The following ANKIB1 variants were observed in gnomAD, a reference collection of about 807,000 sequenced individuals.
ANKIB1 encodes the protein ankyrin repeat and IBR domain-containing protein 1.
ANKIB1 carries 43 observed loss-of-function variants against 122.1 expected under a neutral mutation model. The ratio of observed to expected loss-of-function variants is 0.35; its 90% CI spans 0.28 to 0.45. ANKIB1 has a LOEUF of 0.45. Among genes scored for constraint, ANKIB1 ranks in the 20% least tolerant of loss-of-function variants. The pLI, the probability that ANKIB1 is intolerant of heterozygous loss-of-function variation, is 1.00. For synonymous variants in ANKIB1, 390 were observed against 442.0 expected, an observed-to-expected ratio of 0.88 and a Z score of 1.48; for missense variants, 992 against 1,329.5, an observed-to-expected ratio of 0.75 and a Z score of 3.95.
At chr7:92,365,585 G>A (rs1346032768) in intron 10 of ANKIB1, among the ~76,000 whole-genome samples, 1 of 152,008 alleles carries the variant, frequency 6.6e-6, no homozygotes, top group East Asian at 1.9e-4. Flanking sequence ...TTAAGTAGGA[G>A]AGTGATGAAT....
At chr7:92,276,929 T>C (rs1317159849) in intron 1 of ANKIB1, among the ~76,000 whole-genome samples, 2 of 152,212 alleles carry the variant, frequency 1.3e-5, no homozygotes, top group East Asian at 3.8e-4. Context: ...GGAAGGTGAT[T>C]GGATCATGGG....
intron 3 of ANKIB1, among the ~76,000 whole-genome samples, chr7:92,308,966 G>A (rs138054046): frequency 8.5e-5 from 13 of 152,212 alleles, no homozygotes; most frequent in African/African-American, 3.1e-4. Flanking sequence ...TGTTGTTCAT[G>A]TATACTTTAG....
chr7:92,294,753 T>C, intron 1 of ANKIB1, 136 bp from the exon 2 acceptor site: 2 of 434,610 alleles, frequency 4.6e-6, no homozygotes, highest in Non-Finnish European at 8.0e-6. Context: ...GCTGTTAAGA[T>C]AAATTTGGTA....
At chr7:92,344,193 GTTTTTTTTTTTT>G (rs67933063) in intron 6 of ANKIB1, among the ~76,000 whole-genome samples, 38,692 of 98,326 alleles carry the variant, frequency 0.39, 6,173 homozygotes, top group Middle Eastern at 0.47. Context: ...TGTGTTTTTG[GTTTTTTTTTTTT>G]TTTTTTTTTT....
intron 5 of ANKIB1, among the ~76,000 whole-genome samples, chr7:92,329,597 C>T (rs1803116867): frequency 6.6e-6 from 1 of 152,122 alleles, no homozygotes; most frequent in Non-Finnish European, 1.5e-5. Flanking sequence ...TTCTAAAAGC[C>T]TATTATTTCT....
At chr7:92,371,143 A>G (rs535991780) in intron 10 of ANKIB1, among the ~76,000 whole-genome samples, 2 of 151,938 alleles carry the variant, frequency 1.3e-5, no homozygotes, top group East Asian at 3.9e-4. Context: ...TTTCTGTGAT[A>G]CAATAGTTAT....
intron 7 of ANKIB1, 50 bp from the exon 8 acceptor site, chr7:92,350,900 C>T (rs369558845): frequency 1.3e-6 from 2 of 1,510,988 alleles, no homozygotes; most frequent in Non-Finnish European, 1.8e-6. Context: ...AGAATGTATG[C>T]ACAACTTAAT....
intron 5 of ANKIB1, among the ~76,000 whole-genome samples, chr7:92,342,615 A>G (rs1489880960): frequency 6.6e-6 from 1 of 152,204 alleles, no homozygotes; most frequent in Non-Finnish European, 1.5e-5. Context: ...ATAGTGAACT[A>G]TGTAATCATT....
At chr7:92,316,209 T>G (rs1802791173) in intron 3 of ANKIB1, among the ~76,000 whole-genome samples, 2 of 152,184 alleles carry the variant, frequency 1.3e-5, no homozygotes, top group Non-Finnish European at 2.9e-5. Context: ...AATTTGAGAC[T>G]GGGAAAGCAG....
Position 92,327,876 on chromosome 7 carries a change from G to A in ANKIB1, c.763G>A (p.Ala255Thr). The A allele has an allele frequency of 6.3e-7, 1 of 1,589,154 alleles. No homozygotes were observed. Among genetic ancestry groups the A allele is most frequent in the South Asian group, 1.2e-5 (1 of 85,374 alleles). ...CATGCTTCAGGCTCCTCTCTTTACT[G>A]CTGAAGCTTTACTTCGAGCTCATGG... The part of the protein sequence containing the change: ...ADMLQAPLFT[A>T]EALLRAHDWD... Residue 255 changes from alanine to threonine, a missense_variant, in exon 5 of 20, where the codon GCT becomes ACT. By Grantham distance (58) the Ala-to-Thr change is moderately conservative. This residue lies in a region of ANKIB1 where 521 missense variants were observed against 777.7 expected (regional missense o/e 0.67). Transcript: ENST00000265742.
chr7:92,354,229 A>G (rs1193864533), intron 9 of ANKIB1, among the ~76,000 whole-genome samples: 1 of 152,252 alleles, frequency 6.6e-6, no homozygotes, highest in Non-Finnish European at 1.5e-5. Flanking sequence ...AGATGATGCT[A>G]TAAACTGTAA....
rs1453168465 is a variant in ANKIB1 at position 92,401,107 on chromosome 7, G to C, written c.*2158G>C. The C allele has an allele frequency of 2.0e-5, 3 of 152,000 alleles. No individual in the cohort carries two copies. The highest frequency in any genetic ancestry group is 6.6e-5 in the Admixed American group (1 of 15,242). 9.4% of individuals were successfully genotyped at this position (152,000 alleles called of 1,614,324 possible). A position where few individuals can be genotyped will look rare whatever the true frequency, so the allele number is the denominator to read the frequency against. ...ATGAAAAATGATCATTATCCAATTTGTATTTCCTTGGTACATATTTTAAAA... is the reference window on the plus strand; with the variant it reads ...ATGAAAAATGATCATTATCCAATTTCTATTTCCTTGGTACATATTTTAAAA... On this transcript the variant is annotated 3_prime_UTR_variant, in exon 20 of 20. Coordinates refer to ENST00000265742, the MANE Select transcript of ANKIB1 (RefSeq NM_019004.2).
At chr7:92,271,131 G>A (rs961336284) in intron 1 of ANKIB1, among the ~76,000 whole-genome samples, 14 of 151,966 alleles carry the variant, frequency 9.2e-5, no homozygotes, top group South Asian at 6.2e-4. Flanking sequence ...GTTAATTTTT[G>A]TATAAGTTGT....
chr7:92,250,760 T>C (rs1442510870), intron 1 of ANKIB1, among the ~76,000 whole-genome samples: 1 of 152,256 alleles, frequency 6.6e-6, no homozygotes, highest in East Asian at 1.9e-4. Context: ...ATATATACTT[T>C]ATCAGTAATT....
chr7:92,309,392 A>G (rs1370371525), intron 3 of ANKIB1, among the ~76,000 whole-genome samples: 3 of 152,126 alleles, frequency 2.0e-5, no homozygotes, highest in Non-Finnish European at 2.9e-5. Context: ...CCTGGCTCCA[A>G]TGTTTTCTAA....
chr7:92,250,409 A>G (rs1486986605), intron 1 of ANKIB1, among the ~76,000 whole-genome samples: 2 of 152,184 alleles, frequency 1.3e-5, no homozygotes, highest in Non-Finnish European at 2.9e-5. Flanking sequence ...AAATAAATCA[A>G]TAAAGCAGAT....
At chr7:92,329,021 G>A (rs987403214) in intron 5 of ANKIB1, among the ~76,000 whole-genome samples, 1 of 148,700 alleles carries the variant, frequency 6.7e-6, no homozygotes, top group African/African-American at 2.5e-5. Flanking sequence ...AGGCTGGAGT[G>A]CAGTGGTGTG....
chr7:92,329,865 A>C (rs1803125655), intron 5 of ANKIB1, among the ~76,000 whole-genome samples: 1 of 152,210 alleles, frequency 6.6e-6, no homozygotes, highest in South Asian at 2.1e-4. Context: ...TGAAGTACCC[A>C]GAGTCCTAGT....
At chr7:92,277,813 G>A (rs769458469) in intron 1 of ANKIB1, among the ~76,000 whole-genome samples, 3 of 152,020 alleles carry the variant, frequency 2.0e-5, no homozygotes, top group African/African-American at 4.8e-5. Flanking sequence ...GCCAGGCATG[G>A]TAGCTCACGC....
Sources: gnomAD v4.1 joint callset for allele counts (sites outside exome capture counted in the v4.1 genomes callset) on GRCh38, gnomAD v4.1.1 for gene constraint, gnomAD v4.1.1 regional missense constraint, MANE v1.5 for transcripts, NCBI Gene and HGNC (gene_info 2026-07-23, HGNC 2026-07-21) for gene names.